OARD1: variants seen among roughly 807,000 people sequenced by gnomAD.
OARD1 encodes ADP-ribose glycohydrolase OARD1.
A neutral mutation model predicts 19.7 loss-of-function variants in OARD1; 19 were observed. The ratio of observed to expected loss-of-function variants is 0.96; its 90% CI spans 0.67 to 1.41. OARD1 has a LOEUF of 1.41. OARD1 is among the 40% of genes most tolerant of loss of function. The pLI is 0.00. For missense variants in OARD1, 190 were observed against 183.8 expected (o/e 1.03, Z -0.20); for synonymous variants, 70 against 61.8 (o/e 1.13, Z -0.62).
At chr6:41,068,710 T>C in intron 5 of OARD1, 131 bp downstream of exon 5, 1 of 536,984 alleles carries the variant, frequency 1.9e-6, no homozygotes. Flanking sequence ...CTGGTGGTTT[T>C]ACAAAATTTT....
chr6:41,085,441 G>C (rs1764019433), intron 1 of OARD1, among the ~76,000 whole-genome samples: 1 of 152,084 alleles, frequency 6.6e-6, no homozygotes, highest in South Asian at 2.1e-4. Context: ...ATTTTTAGTG[G>C]AAATAATTTG....
At chr6:41,094,329 G>A (rs571535531) in intron 1 of OARD1, 1 of 1,323,478 alleles carries the variant, frequency 7.6e-7, no homozygotes, top group Non-Finnish European at 1.1e-6. Flanking sequence ...AATGGAATTT[G>A]TGCACTAGAT....
At position 41,092,540 on chromosome 6, in the gene OARD1, T is replaced by C. The variant is rs79669860; in HGVS notation, c.-42+5173A>G. ...GGATTGAATTATAAGTTAACTATTA[T>C]TTTTATAAATATAGGCATTTAGTAG... is the stretch of plus-strand genomic sequence containing the variant. On this transcript the variant is annotated intron_variant, in intron 1 of 4. Coordinates refer to the OARD1 transcript ENST00000480585. 8.7e-3 allele frequency among the ~76,000 whole-genome samples: 1,319 copies of C among 152,338 alleles called. 30 individuals are homozygous for C. The highest frequency in any genetic ancestry group is 0.029 in the African/African-American group (1,222 of 41,560).
At chr6:41,088,958 A>G (rs1582031807) in intron 1 of OARD1, among the ~76,000 whole-genome samples, 1 of 152,196 alleles carries the variant, frequency 6.6e-6, no homozygotes, top group African/African-American at 2.4e-5. Context: ...AGATTAAAAA[A>G]TAATAATAAA....
At position 41,094,713 on chromosome 6, in the gene OARD1, T is replaced by C. The variant is rs912845151; in HGVS notation, c.-42+3000A>G. Reference sequence around the variant, plus strand: ...CTGTAATCCCAACACTTTGGGAGGCTGAGGTGGGAAGCCCAGGATTTCAAG... The same window carrying C: ...CTGTAATCCCAACACTTTGGGAGGCCGAGGTGGGAAGCCCAGGATTTCAAG... On this transcript the variant is annotated intron_variant, in intron 1 of 4. Transcript: ENST00000480585. Among the ~76,000 whole-genome samples the C allele has an allele frequency of 5.9e-5, 9 of 152,198 alleles. No individual in the cohort carries two copies. The East Asian group carries it at 1.7e-3, about 29-fold the overall frequency.
At chr6:41,093,518 C>T (rs894541571) in intron 1 of OARD1, among the ~76,000 whole-genome samples, 6 of 151,686 alleles carry the variant, frequency 4.0e-5, no homozygotes, top group Non-Finnish European at 8.8e-5. Flanking sequence ...TCATCCAGGC[C>T]GGAGTGCAGT....
rs1245622714 is a variant in OARD1 at position 41,072,241 on chromosome 6, G to A, written c.-47C>T. On this transcript the variant is annotated 5_prime_UTR_variant, in exon 1 of 6. Coordinates refer to ENST00000424266, the MANE Select transcript of OARD1 (RefSeq NM_001329686.2). ...TCCCATTCTCTGTCTCCTACCCTAG[G>A]GCGGGTCAGCGAGGACGCAGTCTGT... The A allele has an allele frequency of 6.5e-6, 1 of 152,896 alleles. No individual in the cohort carries two copies. The highest frequency in any genetic ancestry group is 6.5e-5 in the Admixed American group (1 of 15,358). The allele number at this position is 152,896 out of a possible 1,614,324, so 9.5% of individuals were successfully genotyped here.
chr6:41,067,379 C>T lies in OARD1; in HGVS notation c.415G>A (p.Val139Ile). Residue 139 changes from valine to isoleucine, a missense_variant, in exon 6 of 6, where the codon GTA (valine) becomes ATA (isoleucine). Coordinates refer to ENST00000424266, the MANE Select transcript of OARD1 (RefSeq NM_001329686.2). Reference protein sequence around the residue: ...WENVSAMIEEVFEATDIKITV... With the variant: ...WENVSAMIEEIFEATDIKITV... ...ATTTTGATGTCTGTTGCCTCAAATA[C>T]CTCCTCGATCATCGCAGATACATTT... 6.2e-7 allele frequency: 1 copy of T among 1,613,736 alleles called. No homozygotes were observed. The highest frequency in any genetic ancestry group is 8.5e-7 in the Non-Finnish European group (1 of 1,179,676).
intron 1 of OARD1, among the ~76,000 whole-genome samples, chr6:41,093,750 C>G: frequency 6.6e-6 from 1 of 152,322 alleles, no homozygotes; most frequent in Non-Finnish European, 1.5e-5. Flanking sequence ...GGATTATAGG[C>G]GTGAGCCACC....
At chr6:41,067,761 C>T (rs1763096988) in intron 5 of OARD1, among the ~76,000 whole-genome samples, 1 of 152,102 alleles carries the variant, frequency 6.6e-6, no homozygotes, top group Non-Finnish European at 1.5e-5. Flanking sequence ...CTAAAATTGG[C>T]TGTGGATGGA....
intron 1 of OARD1, among the ~76,000 whole-genome samples, chr6:41,090,809 A>C (rs1440682676): frequency 6.6e-6 from 1 of 152,246 alleles, no homozygotes; most frequent in African/African-American, 2.4e-5. Flanking sequence ...CTAGGAATAG[A>C]TAACATAAAT....
At chr6:41,079,022 C>A in intron 1 of OARD1, 2 of 1,422,188 alleles carry the variant, frequency 1.4e-6, no homozygotes, top group Middle Eastern at 1.8e-4. Context: ...CCCCACCTTT[C>A]TAACAGGAGT....
upstream of OARD1, among the ~76,000 whole-genome samples, chr6:41,074,947 G>A (rs1335152700): frequency 6.6e-6 from 1 of 151,446 alleles, no homozygotes; most frequent in Non-Finnish European, 1.5e-5. Context: ...AGTATCTGGT[G>A]CCCATTTCTA....
At chr6:41,095,342 G>GAT (rs1764318278) in intron 1 of OARD1, among the ~76,000 whole-genome samples, 1 of 152,178 alleles carries the variant, frequency 6.6e-6, no homozygotes, top group Non-Finnish European at 1.5e-5. Flanking sequence ...TTTGTCCTTA[G>GAT]AATTTTCAGT....
chr6:41,077,207 C>T (rs144171936), upstream of OARD1, among the ~76,000 whole-genome samples: 203 of 152,166 alleles, frequency 1.3e-3, no homozygotes, highest in African/African-American at 4.6e-3. Flanking sequence ...CTTTCATGAT[C>T]CTTATTTTTT....
upstream of OARD1, among the ~76,000 whole-genome samples, chr6:41,077,225 A>G (rs1327134805): frequency 2.6e-5 from 4 of 152,186 alleles, no homozygotes; most frequent in Admixed American, 1.3e-4. Flanking sequence ...TTTAAAATCA[A>G]TTTATTGAGA....
intron 1 of OARD1, chr6:41,084,078 T>C: frequency 1.2e-6 from 2 of 1,614,002 alleles, no homozygotes; most frequent in African/African-American, 1.3e-5. Context: ...TGCAGGTCAG[T>C]GGAGGCCAGC....
Position 41,094,165 on chromosome 6 carries a change from A to T in OARD1, c.-42+3548T>A, listed in dbSNP as rs569027928. ...TAGGTGGTAGTCTGTTATTTTTTTT[A>T]AAAAAAATTCATACTATAAGCATTC... On this transcript the variant is annotated intron_variant, in intron 1 of 4. Coordinates refer to the OARD1 transcript ENST00000480585. Among the ~76,000 whole-genome samples the T allele has an allele frequency of 7.2e-4, 109 of 151,692 alleles. 1 individual carries two copies. The highest frequency in any genetic ancestry group is 1.9e-3 in the South Asian group (9 of 4,820).
upstream of OARD1, among the ~76,000 whole-genome samples, chr6:41,073,256 C>A (rs1763581662): frequency 6.6e-6 from 1 of 151,450 alleles, no homozygotes; most frequent in Admixed American, 6.6e-5. Context: ...GCGAGCGCCT[C>A]GGGGCACTCC....
Sources: allele counts gnomAD v4.1 joint callset (sites outside exome capture counted in the v4.1 genomes callset), GRCh38; gene constraint gnomAD v4.1.1; transcripts MANE v1.5; gene names NCBI Gene and HGNC (gene_info 2026-07-23, HGNC 2026-07-21).